C1orf198: variants seen among roughly 807,000 people sequenced by gnomAD.
C1orf198 encodes the protein uncharacterized protein C1orf198.
C1orf198 carries 17 observed loss-of-function variants against 31.4 expected under a neutral mutation model. The ratio of observed to expected loss-of-function variants is 0.54; its 90% CI spans 0.37 to 0.81. C1orf198 has a LOEUF of 0.81. Among genes scored for constraint, C1orf198 ranks in the 40% least tolerant of loss-of-function variants. C1orf198 has a pLI of 0.00. For missense variants in C1orf198, 401 were observed against 450.3 expected, an observed-to-expected ratio of 0.89 and a Z score of 0.99; for synonymous variants, 175 against 193.8, an observed-to-expected ratio of 0.90 and a Z score of 0.81.
chr1:230,847,034 C>T (rs936525449), intron 2 of C1orf198, among the ~76,000 whole-genome samples: 6 of 142,362 alleles, frequency 4.2e-5, no homozygotes, highest in South Asian at 2.2e-4. Flanking sequence ...ACCCGGGAGG[C>T]GAAGCTTGCA....
At chr1:230,864,475 C>T (rs1670068790) in intron 1 of C1orf198, among the ~76,000 whole-genome samples, 1 of 152,216 alleles carries the variant, frequency 6.6e-6, no homozygotes, top group Non-Finnish European at 1.5e-5. Context: ...AGCAAGTCCT[C>T]AGGTTCCTGT....
In C1orf198 at chr1:230,839,974, A is replaced by G. The variant is rs534935093; in HGVS notation, c.928-66T>C. On this transcript the variant is annotated intron_variant, in intron 3 of 3. Transcript: ENST00000366663. ...TTTTTTCAGTTACGTATAATCTAAAAACAGCATCTCATTTAAAACGACCCA... is the reference window on the plus strand; with the variant it reads ...TTTTTTCAGTTACGTATAATCTAAAGACAGCATCTCATTTAAAACGACCCA... 2.0e-5 allele frequency: 29 copies of G among 1,435,272 alleles called. No homozygotes were observed. The South Asian group carries it at 2.5e-4, about 12-fold the overall frequency. The allele number at this position is 1,435,272 out of a possible 1,614,324, so 88.9% of individuals were successfully genotyped here. A position where few individuals can be genotyped will look rare whatever the true frequency, so the allele number is the denominator to read the frequency against.
chr1:230,859,155 A>C (rs1215152806), intron 1 of C1orf198, among the ~76,000 whole-genome samples: 1 of 152,214 alleles, frequency 6.6e-6, no homozygotes, highest in Non-Finnish European at 1.5e-5. Flanking sequence ...ACAAAAAAGC[A>C]CTGGCGGCAA....
Position 230,840,034 on chromosome 1 carries a change from T to C in C1orf198, c.928-126A>G. On this transcript the variant is annotated intron_variant, in intron 3 of 3. Coordinates refer to ENST00000366663, the MANE Select transcript of C1orf198 (RefSeq NM_032800.3). The surrounding 1 kb of genome is among the most constrained non-coding windows in gnomAD (Gnocchi z 4.0). Reference sequence around the variant, plus strand: ...GCCTACTTCTGTCTCAGAGGTTCCCTGACCTCAATTTATCTCAGTGCTTGA... The same window carrying C: ...GCCTACTTCTGTCTCAGAGGTTCCCCGACCTCAATTTATCTCAGTGCTTGA... The C allele has an allele frequency of 1.4e-6, 1 of 738,146 alleles. No individual in the cohort carries two copies. The highest frequency in any genetic ancestry group is 3.1e-5 in the Admixed American group (1 of 32,402). The allele number at this position is 738,146 out of a possible 1,614,324, so 45.7% of individuals were successfully genotyped here. A position where few individuals can be genotyped will look rare whatever the true frequency, so the allele number is the denominator to read the frequency against.
intron 2 of C1orf198, among the ~76,000 whole-genome samples, chr1:230,854,024 C>T (rs1161354007): frequency 6.6e-6 from 1 of 152,204 alleles, no homozygotes; most frequent in Non-Finnish European, 1.5e-5. Context: ...GATGAAATGT[C>T]CTGTCCCACA....
intron 2 of C1orf198, among the ~76,000 whole-genome samples, chr1:230,845,944 T>C (rs1391696537): frequency 6.6e-6 from 1 of 152,230 alleles, no homozygotes; most frequent in Non-Finnish European, 1.5e-5. Flanking sequence ...GCATCATCCA[T>C]GTTGCTGTAT....
intron 1 of C1orf198, among the ~76,000 whole-genome samples, chr1:230,862,633 A>G (rs959764706): frequency 6.6e-6 from 1 of 152,248 alleles, no homozygotes; most frequent in African/African-American, 2.4e-5. Flanking sequence ...TACTGTATGA[A>G]TCCAACCATA....
intron 2 of C1orf198, among the ~76,000 whole-genome samples, chr1:230,849,389 A>C (rs1669679130): frequency 6.6e-6 from 1 of 152,164 alleles, no homozygotes; most frequent in Non-Finnish European, 1.5e-5. Flanking sequence ...GATGCAACTT[A>C]GTGGTCTTCT....
At position 230,840,681 on chromosome 1, in the gene C1orf198, C is replaced by T. The variant is rs1669416193; in HGVS notation, c.928-773G>A. On this transcript the variant is annotated intron_variant, in intron 3 of 3. Transcript: ENST00000366663. The surrounding 1 kb of genome is among the most constrained non-coding windows in gnomAD (Gnocchi z 4.0). Reference sequence around the variant, plus strand: ...CCAGCCTAACACCGGCAGGCATTTACCTGGTGCGCCAAGGTCTTCTTGAGC... The same window carrying T: ...CCAGCCTAACACCGGCAGGCATTTATCTGGTGCGCCAAGGTCTTCTTGAGC... 6.6e-6 allele frequency among the ~76,000 whole-genome samples: 1 copy of T among 152,188 alleles called. No individual in the cohort carries two copies. Among genetic ancestry groups the T allele is most frequent in the Non-Finnish European group, 1.5e-5 (1 of 68,034 alleles).
intron 1 of C1orf198, among the ~76,000 whole-genome samples, chr1:230,867,689 T>A (rs1670151042): frequency 6.6e-6 from 1 of 152,192 alleles, no homozygotes; most frequent in African/African-American, 2.4e-5. Context: ...CAAGTATTCA[T>A]GTTAGTATAT....
At position 230,840,855 on chromosome 1, in the gene C1orf198, C is replaced by A. The variant is rs1669420050; in HGVS notation, c.928-947G>T. 6.6e-6 allele frequency among the ~76,000 whole-genome samples: 1 copy of A among 152,186 alleles called. No homozygotes were observed. Among genetic ancestry groups the A allele is most frequent in the Non-Finnish European group, 1.5e-5 (1 of 68,032 alleles). On this transcript the variant is annotated intron_variant, in intron 3 of 3. Transcript: ENST00000366663. The surrounding 1 kb of genome is among the most constrained non-coding windows in gnomAD (Gnocchi z 4.0). ...CATGTGAGACTGGTGCAGAGTGAGG[C>A]AAAACATGCAGAATGGAAGGAGTGC... is the stretch of plus-strand genomic sequence containing the variant.
intron 2 of C1orf198, among the ~76,000 whole-genome samples, chr1:230,853,121 T>A (rs1669786585): frequency 6.6e-6 from 1 of 152,134 alleles, no homozygotes; most frequent in African/African-American, 2.4e-5. Flanking sequence ...AGATGACACA[T>A]AAGTGATCCC....
In C1orf198 at chr1:230,843,866, A is replaced by G; in HGVS notation, c.415T>C (p.Ser139Pro). 6.5e-7 allele frequency: 1 copy of G among 1,529,170 alleles called. No individual in the cohort carries two copies. Among genetic ancestry groups the G allele is most frequent in the Admixed American group, 2.1e-5 (1 of 47,102 alleles). The allele number at this position is 1,529,170 out of a possible 1,614,324, so 94.7% of individuals were successfully genotyped here. Residue 139 changes from serine (S) to proline (P), a missense_variant, in exon 3 of 4, where the codon TCC becomes CCC. Ser to Pro is a moderately conservative substitution (Grantham distance 74, BLOSUM62 -1). Transcript: ENST00000366663. The surrounding 1 kb of genome is among the most constrained non-coding windows in gnomAD (Gnocchi z 4.9). Reference protein sequence around the residue: ...SQMEFSISALSIQEPSNGTAA... With the variant: ...SQMEFSISALPIQEPSNGTAA... ...GTGCCGTTGCTCGGCTCCTGGATGGATAGGGCGGAGATACTGAACTCCATC... is the reference window on the plus strand; with the variant it reads ...GTGCCGTTGCTCGGCTCCTGGATGGGTAGGGCGGAGATACTGAACTCCATC...
In C1orf198 at chr1:230,838,553, G is replaced by A. The variant is rs1047128769; in HGVS notation, c.*1299C>T. Reference sequence around the variant, plus strand: ...AAAGAAGAAGACACACTTTGGTATTGAAACCGAGCGCTCACTGGCAGGTGT... The same window carrying A: ...AAAGAAGAAGACACACTTTGGTATTAAAACCGAGCGCTCACTGGCAGGTGT... On this transcript the variant is annotated 3_prime_UTR_variant, in exon 4 of 4. Transcript: ENST00000366663. This position sits in a 1 kb window ranked among gnomAD's most constrained non-coding sequence, Gnocchi z 4.2. 5 of 152,206 alleles carry A rather than the reference G, an allele frequency of 3.3e-5. No homozygotes were observed. The highest frequency in any genetic ancestry group is 3.1e-3 in the Middle Eastern group (1 of 318). The allele number at this position is 152,206 out of a possible 1,614,324, so 9.4% of individuals were successfully genotyped here. A position where few individuals can be genotyped will look rare whatever the true frequency, so the allele number is the denominator to read the frequency against.
At position 230,857,120 on chromosome 1, in the gene C1orf198, T is replaced by C. The variant is rs968798995; in HGVS notation, c.334-1402A>G. ...GACGCCTCCTAACATGAACAGCCAG[T>C]GGGAGGTCAGTCTTTGAACTCAAAT... On this transcript the variant is annotated intron_variant, in intron 1 of 3. Transcript: ENST00000366663. This position sits in a 1 kb window ranked among gnomAD's most constrained non-coding sequence, Gnocchi z 4.2. Among the ~76,000 whole-genome samples, 4 of 152,052 alleles carry C rather than the reference T, an allele frequency of 2.6e-5. No individual in the cohort carries two copies. The highest frequency in any genetic ancestry group is 9.7e-5 in the African/African-American group (4 of 41,392).
chr1:230,844,968 G>A (rs1669547724), intron 2 of C1orf198, among the ~76,000 whole-genome samples: 2 of 152,182 alleles, frequency 1.3e-5, no homozygotes, highest in African/African-American at 4.8e-5. Context: ...TCCAAGCTCT[G>A]CAGAACAAGC....
At chr1:230,851,484 A>C (rs1032334110) in intron 2 of C1orf198, among the ~76,000 whole-genome samples, 13 of 151,408 alleles carry the variant, frequency 8.6e-5, no homozygotes, top group Non-Finnish European at 2.9e-5. Flanking sequence ...TCCTCTCTCC[A>C]CTCCCTGCCT....
In C1orf198 at chr1:230,868,381, C is replaced by A; in HGVS notation, c.132G>T (p.Met44Ile). 6.3e-7 allele frequency: 1 copy of A among 1,599,426 alleles called. No individual in the cohort carries two copies. Among genetic ancestry groups the A allele is most frequent in the Non-Finnish European group, 8.5e-7 (1 of 1,173,616 alleles). ...SSLSPMARKI[M>I]QDKEKIREKY... ...TCTCGCGGATCTTCTCCTTGTCCTG[C>A]ATGATCTTCCTGGCCATGGGGCTCA... Residue 44 changes from methionine (M) to isoleucine (I), a missense_variant, in exon 1 of 4, where the codon ATG (methionine) becomes ATT (isoleucine). Transcript: ENST00000366663.
intron 1 of C1orf198, among the ~76,000 whole-genome samples, chr1:230,863,751 C>T (rs1441870373): frequency 6.6e-6 from 1 of 152,182 alleles, no homozygotes; most frequent in Non-Finnish European, 1.5e-5. Context: ...CCTCTCCTCT[C>T]AGCCCGTGGA....
Sources: allele counts gnomAD v4.1 joint callset (sites outside exome capture counted in the v4.1 genomes callset), GRCh38; gene constraint gnomAD v4.1.1; non-coding constraint Gnocchi (gnomAD v3.1); transcripts MANE v1.5; gene names NCBI Gene and HGNC (gene_info 2026-07-23, HGNC 2026-07-21).